The following UNC13C variants were observed in gnomAD, a reference collection of about 807,000 sequenced individuals.
The protein encoded by UNC13C is unc-13 homolog C, also known as protein unc-13 homolog C.
UNC13C carries 174 observed loss-of-function variants against 245.4 expected under a neutral mutation model. That is an observed-to-expected ratio of 0.71 (90% CI 0.63 to 0.80). The LOEUF is 0.80. Ranked by LOEUF, UNC13C falls within the 30% of genes least tolerant of loss-of-function variation. UNC13C has a pLI of 0.00. For missense variants in UNC13C, 2,829 were observed against 2,602.9 expected, an observed-to-expected ratio of 1.09 and a Z score of -1.89; for synonymous variants, 992 against 895.1, an observed-to-expected ratio of 1.11 and a Z score of -1.93.
intron 19 of UNC13C, among the ~76,000 whole-genome samples, chr15:54,468,645 C>G (rs771472734): frequency 6.6e-5 from 10 of 151,570 alleles, no homozygotes; most frequent in Non-Finnish European, 1.2e-4. Context: ...GTTAAGGGTC[C>G]ATTTTCATTC....
chr15:54,451,681 G>T (rs1470213936), intron 19 of UNC13C, among the ~76,000 whole-genome samples: 1 of 151,924 alleles, frequency 6.6e-6, no homozygotes, highest in Admixed American at 6.5e-5. Flanking sequence ...TGATTTCTTT[G>T]TATTAGTTAT....
In UNC13C at chr15:54,243,191, G is replaced by A. The variant is rs1158969350; in HGVS notation, c.3228+5501G>A. Among the ~76,000 whole-genome samples, 3 of 145,154 alleles carry A rather than the reference G, an allele frequency of 2.1e-5. No homozygotes were observed. The East Asian group carries it at 6.1e-4, about 29-fold the overall frequency. On this transcript the variant is annotated intron_variant, in intron 7 of 32. Coordinates refer to ENST00000260323, the MANE Select transcript of UNC13C (RefSeq NM_001080534.3). ...GTTATTCCCCGCCGCATGTCCACGT[G>A]TTCTCATCCTTCAGCTCCCACTAAT...
chr15:54,437,146 G>A (rs1890263907), intron 19 of UNC13C, among the ~76,000 whole-genome samples: 1 of 151,810 alleles, frequency 6.6e-6, no homozygotes, highest in Non-Finnish European at 1.5e-5. Context: ...TATCCCCTTG[G>A]ATAATTGCTT....
intron 4 of UNC13C, among the ~76,000 whole-genome samples, chr15:54,171,476 CAAATGGCAAACAGGTATATGAAA>C (rs1032589364): frequency 3.9e-5 from 6 of 152,032 alleles, no homozygotes; most frequent in African/African-American, 1.4e-4. Flanking sequence ...AGAAGACAAA[CAAATGGCAAACAGGTATATGAAA>C]AAGTGCTCAA....
At chr15:54,144,525 C>A (rs1188216362) in intron 4 of UNC13C, among the ~76,000 whole-genome samples, 1 of 152,140 alleles carries the variant, frequency 6.6e-6, no homozygotes, top group Non-Finnish European at 1.5e-5. Flanking sequence ...ATCCACAAAG[C>A]ACTTAAGAGA....
At chr15:54,302,406 G>A (rs1225289379) in intron 13 of UNC13C, among the ~76,000 whole-genome samples, 13 of 152,020 alleles carry the variant, frequency 8.6e-5, no homozygotes. Flanking sequence ...TTTTCTTCTA[G>A]GGTTTTTATG....
intron 17 of UNC13C, among the ~76,000 whole-genome samples, chr15:54,383,647 A>ACTTC: frequency 6.6e-6 from 1 of 152,286 alleles, no homozygotes; most frequent in Non-Finnish European, 1.5e-5. Context: ...CCTATGCAAC[A>ACTTC]TGGTGCTGGA....
At chr15:54,195,861 AC>A (rs2034336344) in intron 4 of UNC13C, among the ~76,000 whole-genome samples, 1 of 152,142 alleles carries the variant, frequency 6.6e-6, no homozygotes, top group Non-Finnish European at 1.5e-5. Context: ...TTGATAATAT[AC>A]CAAAGCTGGT....
chr15:54,031,207 C>G (rs1391786751), intron 2 of UNC13C, among the ~76,000 whole-genome samples: 3 of 152,126 alleles, frequency 2.0e-5, no homozygotes, highest in African/African-American at 7.2e-5. Context: ...TGGAAGCACT[C>G]CTGCTGATAA....
rs1596563947 is a variant in UNC13C at position 54,555,511 on chromosome 15, A to G, written c.5957A>G (p.Lys1986Arg). 6 of 1,610,228 alleles carry G rather than the reference A, an allele frequency of 3.7e-6. No individual in the cohort carries two copies. Among genetic ancestry groups the G allele is most frequent in the Middle Eastern group, 1.7e-4 (1 of 6,058 alleles). Residue 1986 changes from lysine to arginine, a missense_variant and splice_region_variant, in exon 29 of 33, where the codon AAG becomes AGG. Coordinates refer to ENST00000260323, the MANE Select transcript of UNC13C (RefSeq NM_001080534.3). ...ATGGAGGTAGTCCTGGCTACCATCA[A>G]GGTGAGATTATAATGCTCCTATATA... ...AIMEVVLATI[K>R]QYFHAGGNGL...
intron 29 of UNC13C, among the ~76,000 whole-genome samples, chr15:54,567,464 A>G (rs973925860): frequency 6.6e-6 from 1 of 152,136 alleles, no homozygotes; most frequent in African/African-American, 2.4e-5. Flanking sequence ...AACAGAAGTC[A>G]ATAACCAGGT....
chr15:54,336,458 A>G (rs557579349), intron 16 of UNC13C, among the ~76,000 whole-genome samples: 2 of 151,444 alleles, frequency 1.3e-5, no homozygotes, highest in East Asian at 3.9e-4. Context: ...AATATCTCAT[A>G]TAGCAAGTTT....
chr15:54,600,112 A>G (rs969728279), intron 30 of UNC13C, among the ~76,000 whole-genome samples: 4 of 152,028 alleles, frequency 2.6e-5, no homozygotes, highest in Admixed American at 2.0e-4. Context: ...CACCATTCCT[A>G]CTCTCCAGAG....
At chr15:53,943,885 AT>A in the UNC13C span, among the ~76,000 whole-genome samples, 20 of 151,194 alleles carry the variant, frequency 1.3e-4, no homozygotes, top group Non-Finnish European at 2.2e-4. Flanking sequence ...GTATCTGGTA[AT>A]TTTTTTTTCT....
intron 2 of UNC13C, among the ~76,000 whole-genome samples, chr15:54,072,598 A>G (rs553554759): frequency 6.6e-6 from 1 of 152,094 alleles, no homozygotes; most frequent in Non-Finnish European, 1.5e-5. Context: ...TCAAGCCACT[A>G]CGTTTTCTTT....
At chr15:54,488,653 G>A (rs1054265901) in intron 19 of UNC13C, among the ~76,000 whole-genome samples, 4 of 152,114 alleles carry the variant, frequency 2.6e-5, no homozygotes, top group Non-Finnish European at 5.9e-5. Flanking sequence ...ATTTTCAAGT[G>A]AATGCTTGTA....
At chr15:53,964,770 C>A in the UNC13C span, among the ~76,000 whole-genome samples, 1 of 152,284 alleles carries the variant, frequency 6.6e-6, no homozygotes, top group African/African-American at 2.4e-5. Flanking sequence ...AGCATGTCAT[C>A]TAAAGCCAGA....
At chr15:54,125,738 T>A (rs1241069073) in intron 2 of UNC13C, among the ~76,000 whole-genome samples, 2 of 152,224 alleles carry the variant, frequency 1.3e-5, no homozygotes, top group Non-Finnish European at 2.9e-5. Flanking sequence ...ATTTGGTACA[T>A]GTTCATTTTT....
At chr15:54,248,385 T>C (rs902367494) in intron 7 of UNC13C, among the ~76,000 whole-genome samples, 1 of 152,116 alleles carries the variant, frequency 6.6e-6, no homozygotes, top group African/African-American at 2.4e-5. Flanking sequence ...GGGTAGCTAA[T>C]GAAAAATCTG....
Sources: gnomAD v4.1 joint callset for allele counts (sites outside exome capture counted in the v4.1 genomes callset) on GRCh38, gnomAD v4.1.1 for gene constraint, MANE v1.5 for transcripts, NCBI Gene and HGNC (gene_info 2026-07-23, HGNC 2026-07-21) for gene names.